NRXN3: variants seen among roughly 807,000 people sequenced by gnomAD.
NRXN3 encodes neurexin III.
In NRXN3, 32 loss-of-function variants were observed where a neutral mutation model predicts 137.6. The ratio of observed to expected loss-of-function variants is 0.23; its 90% CI spans 0.18 to 0.31. The LOEUF (loss-of-function observed/expected upper bound fraction) is 0.31. Ranked by LOEUF, NRXN3 falls within the 10% of genes least tolerant of loss-of-function variation. NRXN3 has a pLI of 1.00. For synonymous variants in NRXN3, 798 were observed against 784.5 expected (o/e 1.02, Z -0.29); for missense variants, 1,574 against 2,062.5 (o/e 0.76, Z 4.59).
chr14:78,653,033 C>T (rs1339976897), intron 6 of NRXN3, among the ~76,000 whole-genome samples: 2 of 152,178 alleles, frequency 1.3e-5, no homozygotes, highest in Non-Finnish European at 2.9e-5. Context: ...TGTAATAAAT[C>T]ATGTGCGAAT....
At chr14:79,084,765 G>T (rs538830607) in intron 15 of NRXN3, among the ~76,000 whole-genome samples, 1 of 152,086 alleles carries the variant, frequency 6.6e-6, no homozygotes, top group East Asian at 1.9e-4. Flanking sequence ...AAAAACAAAG[G>T]TCAAGCACAT....
In NRXN3 at chr14:79,021,475, T is replaced by G. The variant is rs189063838; in HGVS notation, c.3262+33334T>G. ...ATTTTACTTCTTTTGATGTATGGTCTCTTCAAAAAATCCAATTCTACTGAT... is the reference window on the plus strand; with the variant it reads ...ATTTTACTTCTTTTGATGTATGGTCGCTTCAAAAAATCCAATTCTACTGAT... On this transcript the variant is annotated intron_variant, in intron 15 of 20. Coordinates refer to ENST00000335750, the MANE Select transcript of NRXN3 (RefSeq NM_001330195.2). 1.7e-3 allele frequency among the ~76,000 whole-genome samples: 255 copies of G among 152,342 alleles called. 1 individual carries two copies. The highest frequency in any genetic ancestry group is 3.3e-3 in the South Asian group (16 of 4,824).
chr14:79,536,779 G>T (rs2153727139), intron 16 of NRXN3, among the ~76,000 whole-genome samples: 1 of 152,166 alleles, frequency 6.6e-6, no homozygotes, highest in East Asian at 1.9e-4. Flanking sequence ...TCCCTGAAAA[G>T]GACATGATCT....
At chr14:78,789,449 C>T (rs1025981860) in intron 8 of NRXN3, among the ~76,000 whole-genome samples, 4 of 152,014 alleles carry the variant, frequency 2.6e-5, no homozygotes, top group South Asian at 2.1e-4. Context: ...CCAGGGATAC[C>T]GCTAGATATC....
intron 15 of NRXN3, among the ~76,000 whole-genome samples, chr14:79,001,946 C>T (rs1401271315): frequency 6.6e-6 from 1 of 152,076 alleles, no homozygotes; most frequent in Non-Finnish European, 1.5e-5. Flanking sequence ...AATGTAAAAC[C>T]TCCTCTAAAG....
chr14:78,358,662 G>C (rs2084679363), intron 4 of NRXN3, among the ~76,000 whole-genome samples: 1 of 152,164 alleles, frequency 6.6e-6, no homozygotes, highest in African/African-American at 2.4e-5. Flanking sequence ...CATCCAGCTG[G>C]TTGCTGCCCA....
intron 4 of NRXN3, among the ~76,000 whole-genome samples, chr14:78,617,544 G>C (rs898459256): frequency 6.6e-6 from 1 of 152,170 alleles, no homozygotes; most frequent in Non-Finnish European, 1.5e-5. Flanking sequence ...GGAGGAGACA[G>C]ATGATTCTTG....
At chr14:79,470,940 A>AAG (rs370918167) in intron 16 of NRXN3, among the ~76,000 whole-genome samples, 97 of 101,246 alleles carry the variant, frequency 9.6e-4, no homozygotes, top group African/African-American at 2.1e-3. Flanking sequence ...GAGAGAGAGA[A>AAG]AGAGAGAGAG....
chr14:79,455,367 T>C lies in NRXN3; in HGVS notation c.3263-11854T>C, dbSNP rs149260415. ...TTCAACATAGGAATTTGCAGGGGGA[T>C]CATAGGCATTGCAGTCCATTTCATG... On this transcript the variant is annotated intron_variant, in intron 15 of 20. Coordinates refer to ENST00000335750, the MANE Select transcript of NRXN3 (RefSeq NM_001330195.2). 1.4e-4 allele frequency among the ~76,000 whole-genome samples: 21 copies of C among 152,300 alleles called. No individual in the cohort carries two copies. In the East Asian group the frequency reaches 4.1e-3, roughly 29 times the overall value.
chr14:79,053,318 T>A (rs1336168328), intron 15 of NRXN3, among the ~76,000 whole-genome samples: 2 of 152,292 alleles, frequency 1.3e-5, no homozygotes, highest in Non-Finnish European at 2.9e-5. Context: ...TTATCTGCTT[T>A]TAGAGATAAG....
intron 15 of NRXN3, among the ~76,000 whole-genome samples, chr14:79,263,110 C>T (rs533391089): frequency 6.6e-6 from 1 of 152,210 alleles, no homozygotes; most frequent in East Asian, 1.9e-4. Context: ...TGAAAGGACA[C>T]AAAGACTTTA....
intron 15 of NRXN3, among the ~76,000 whole-genome samples, chr14:79,295,911 G>C (rs2084022259): frequency 6.6e-6 from 1 of 152,078 alleles, no homozygotes; most frequent in Non-Finnish European, 1.5e-5. Context: ...TTTTCTCATT[G>C]AATAACAAAA....
chr14:79,432,021 A>G (rs1215707934), intron 15 of NRXN3, among the ~76,000 whole-genome samples: 1 of 152,134 alleles, frequency 6.6e-6, no homozygotes, highest in Non-Finnish European at 1.5e-5. Flanking sequence ...AAATCTGATC[A>G]TATCATTCCC....
intron 15 of NRXN3, among the ~76,000 whole-genome samples, chr14:79,064,823 GTA>G (rs368809846): frequency 0.012 from 1,757 of 147,954 alleles, 32 homozygotes; most frequent in African/African-American, 0.038. Context: ...GTGTGTGTGT[GTA>G]TATATAATTA....
chr14:79,576,713 A>G (rs911591563), intron 16 of NRXN3, among the ~76,000 whole-genome samples: 4 of 152,030 alleles, frequency 2.6e-5, no homozygotes, highest in Non-Finnish European at 5.9e-5. Flanking sequence ...TTCTGATCCT[A>G]TTTATTTATC....
chr14:78,629,186 C>A (rs968263527), intron 4 of NRXN3, among the ~76,000 whole-genome samples: 62 of 152,222 alleles, frequency 4.1e-4, no homozygotes, highest in African/African-American at 1.4e-3. Context: ...GATAATGATG[C>A]TTACTGTTTA....
chr14:78,823,147 G>A (rs887466929), intron 10 of NRXN3, among the ~76,000 whole-genome samples: 2 of 152,162 alleles, frequency 1.3e-5, no homozygotes, highest in East Asian at 3.8e-4. Context: ...CTAAGAAGAG[G>A]ATAACATTAG....
At chr14:78,852,101 G>A (rs777996827) in intron 10 of NRXN3, among the ~76,000 whole-genome samples, 3 of 152,152 alleles carry the variant, frequency 2.0e-5, no homozygotes, top group Non-Finnish European at 4.4e-5. Context: ...GAGAGCAGAT[G>A]ATGAACTATT....
At chr14:79,395,402 C>A (rs1265656425) in intron 15 of NRXN3, among the ~76,000 whole-genome samples, 6 of 152,182 alleles carry the variant, frequency 3.9e-5, no homozygotes, top group African/African-American at 4.8e-5. Context: ...TTCATAAAGG[C>A]AAAACAGTGC....
Sources: allele counts gnomAD v4.1 joint callset (sites outside exome capture counted in the v4.1 genomes callset), GRCh38; gene constraint gnomAD v4.1.1; transcripts MANE v1.5; gene names NCBI Gene and HGNC (gene_info 2026-07-23, HGNC 2026-07-21).